ZFYVE16: variants seen among roughly 807,000 people sequenced by gnomAD.
The protein encoded by ZFYVE16 is zinc finger FYVE domain-containing protein 16.
ZFYVE16 carries 89 observed loss-of-function variants against 138.1 expected under a neutral mutation model. That is an observed-to-expected ratio of 0.64 (90% CI 0.54 to 0.77). ZFYVE16 has a LOEUF of 0.77. Among genes scored for constraint, ZFYVE16 ranks in the 30% least tolerant of loss-of-function variants. ZFYVE16 has a pLI of 0.00. For missense variants in ZFYVE16, 1,793 were observed against 1,786.7 expected (o/e 1.00, Z -0.06); for synonymous variants, 596 against 618.3 (o/e 0.96, Z 0.53).
rs980698949 is a variant in ZFYVE16 at position 80,480,708 on chromosome 5, G to A, written c.*3331G>A. The stretch of plus-strand genomic sequence containing the variant: ...GGAGGCCAAGGCAGGAGGATCACTC[G>A]AGCTCAGGTTGAGACCAGAGTGAGC... On this transcript the variant is annotated 3_prime_UTR_variant, in exon 19 of 19. Coordinates refer to ENST00000505560, the MANE Select transcript of ZFYVE16 (RefSeq NM_001284236.3). 5.3e-5 allele frequency among the ~76,000 whole-genome samples: 8 copies of A among 152,032 alleles called. No homozygotes were observed. The highest frequency in any genetic ancestry group is 1.0e-4 in the Non-Finnish European group (7 of 67,996).
chr5:80,450,100 TTAAA>T (rs1751820399), intron 9 of ZFYVE16, among the ~76,000 whole-genome samples: 1 of 152,150 alleles, frequency 6.6e-6, no homozygotes, highest in Non-Finnish European at 1.5e-5. Context: ...TGTGACCTAA[TTAAA>T]AAGGAAGTAA....
intron 2 of ZFYVE16, among the ~76,000 whole-genome samples, chr5:80,431,456 T>C (rs1311793450): frequency 6.6e-6 from 1 of 152,198 alleles, no homozygotes; most frequent in Non-Finnish European, 1.5e-5. Flanking sequence ...ATAAGAGCTA[T>C]TTATGACAAA....
At chr5:80,409,522 A>G (rs970581446) in intron 1 of ZFYVE16, among the ~76,000 whole-genome samples, 5 of 152,178 alleles carry the variant, frequency 3.3e-5, no homozygotes, top group African/African-American at 9.7e-5. Flanking sequence ...TCACAGACTC[A>G]TGTATTAAAT....
chr5:80,437,530 T>G lies in ZFYVE16; in HGVS notation c.845T>G (p.Val282Gly). The change falls in exon 4 of 19, where the codon GTA becomes GGA. Residue 282 changes from valine to glycine, a missense_variant. Val to Gly is a moderately radical substitution (Grantham distance 109). Around this residue, in one of 2 missense-constraint regions of ZFYVE16, gnomAD observed 1,295 missense variants for 1,204.3 expected, o/e 1.08. Coordinates refer to ENST00000505560, the MANE Select transcript of ZFYVE16 (RefSeq NM_001284236.3). ...LKDVGLVKEE[V>G]DVAVITAAEC... ...GATGTTGGCTTAGTAAAAGAGGAAG[T>G]AGATGTGGCAGTCATAACTGCCGCA... 6.2e-7 allele frequency: 1 copy of G among 1,613,894 alleles called. No homozygotes were observed. Among genetic ancestry groups the G allele is most frequent in the Non-Finnish European group, 8.5e-7 (1 of 1,179,960 alleles).
Position 80,479,326 on chromosome 5 carries a change from A to G in ZFYVE16, c.*1949A>G, listed in dbSNP as rs940113734. 1 of 152,202 alleles carries G rather than the reference A, an allele frequency of 6.6e-6. No homozygotes were observed. Among genetic ancestry groups the G allele is most frequent in the Non-Finnish European group, 1.5e-5 (1 of 68,024 alleles). The allele number at this position is 152,202 out of a possible 1,614,324, so 9.4% of individuals were successfully genotyped here. A position where few individuals can be genotyped will look rare whatever the true frequency, so the allele number is the denominator to read the frequency against. ...TCTTTCTCTGAATTTTGAAATATGA[A>G]GTAAAATCTAGCCCATTTGTTTTAT... is the stretch of plus-strand genomic sequence containing the variant. On this transcript the variant is annotated 3_prime_UTR_variant, in exon 19 of 19. Coordinates refer to ENST00000505560, the MANE Select transcript of ZFYVE16 (RefSeq NM_001284236.3).
intron 2 of ZFYVE16, among the ~76,000 whole-genome samples, chr5:80,431,557 T>C (rs1749027673): frequency 6.6e-6 from 1 of 152,180 alleles, no homozygotes; most frequent in South Asian, 2.1e-4. Context: ...TCACCACTCC[T>C]ATTCAACATA....
At chr5:80,470,101 A>T (rs202160407) in intron 15 of ZFYVE16, among the ~76,000 whole-genome samples, 62,907 of 108,188 alleles carry the variant, frequency 0.58, 19,266 homozygotes, top group East Asian at 0.8. Context: ...GTGTGTGTGT[A>T]TTTTTTTTTT....
intron 1 of ZFYVE16, among the ~76,000 whole-genome samples, chr5:80,414,928 A>G (rs1745990981): frequency 6.6e-6 from 1 of 152,166 alleles, no homozygotes; most frequent in South Asian, 2.1e-4. Flanking sequence ...GAAATTTCAC[A>G]ATGATGTTGG....
intron 1 of ZFYVE16, among the ~76,000 whole-genome samples, chr5:80,424,767 A>T (rs1561242866): frequency 2.0e-5 from 3 of 152,078 alleles, no homozygotes. Context: ...TGGCCTCTGA[A>T]TTCCTTTTGT....
At chr5:80,461,019 G>T (rs1753049307) in intron 15 of ZFYVE16, among the ~76,000 whole-genome samples, 2 of 151,986 alleles carry the variant, frequency 1.3e-5, no homozygotes. Context: ...AAAAGAAAAA[G>T]TATTTTTTTA....
chr5:80,454,509 CTT>C (rs1270643829), intron 11 of ZFYVE16: 32 of 141,774 alleles, frequency 2.3e-4, no homozygotes, highest in Non-Finnish European at 2.5e-4. Flanking sequence ...CTGTATATTC[CTT>C]TTTTTTTTTT....
chr5:80,450,814 A>ATTT (rs139742757), intron 10 of ZFYVE16, among the ~76,000 whole-genome samples: 2 of 90,476 alleles, frequency 2.2e-5, no homozygotes, highest in African/African-American at 7.5e-5. Flanking sequence ...CCTTATATCC[A>ATTT]TTTTTTTTTT....
intron 2 of ZFYVE16, among the ~76,000 whole-genome samples, chr5:80,433,142 G>A (rs140360289): frequency 0.021 from 3,192 of 152,258 alleles, 116 homozygotes; most frequent in African/African-American, 0.072. Context: ...GCACACATAT[G>A]TTTATTGCGG....
rs1685134166 is a variant in ZFYVE16 at position 80,448,187 on chromosome 5, T to C, written c.2886T>C (p.Ser962=). 3.1e-6 allele frequency: 5 copies of C among 1,614,000 alleles called. No homozygotes were observed. Among genetic ancestry groups the C allele is most frequent in the African/African-American group, 1.3e-5 (1 of 75,044 alleles). ...MNTGNEGLPT[S]GSFTLDDDVF... Reference sequence around the variant, plus strand: ...CAGGAAATGAGGGGTTACCTACTTCTGGTTCATTTACACTAGATGATGATG... The same window carrying C: ...CAGGAAATGAGGGGTTACCTACTTCCGGTTCATTTACACTAGATGATGATG... The change falls in exon 8 of 19, where the codon TCT becomes TCC. Residue 962 remains serine (S), a synonymous_variant. Transcript: ENST00000505560.
intron 11 of ZFYVE16, among the ~76,000 whole-genome samples, chr5:80,453,015 T>G (rs1038277979): frequency 1.3e-5 from 2 of 152,246 alleles, no homozygotes; most frequent in South Asian, 4.1e-4. Context: ...ATATCACGTC[T>G]AATGAACTTT....
At position 80,451,609 on chromosome 5, in the gene ZFYVE16, T is replaced by C; in HGVS notation, c.3507T>C (p.Ser1169=). The C allele has an allele frequency of 6.2e-7, 1 of 1,613,936 alleles. No individual in the cohort carries two copies. Among genetic ancestry groups the C allele is most frequent in the East Asian group, 2.2e-5 (1 of 44,800 alleles). ...FQKLDDLSLP[S]NPFLCGILIQ... is the part of the protein sequence containing the mutation. ...AACTTGATGATCTCTCATTACCAAG[T>C]AATCCTTTTCTTTGTGGAATTCTTA... is the stretch of plus-strand genomic sequence containing the variant. The change falls in exon 11 of 19, where the codon AGT becomes AGC. Residue 1169 remains serine (S), a synonymous_variant. Coordinates refer to ENST00000505560, the MANE Select transcript of ZFYVE16 (RefSeq NM_001284236.3).
chr5:80,477,369 CT>C lies in ZFYVE16; in HGVS notation c.4618del (p.Ter1540SerfsTer15), dbSNP rs747539668. The C allele has an allele frequency of 1.5e-5, 24 of 1,603,142 alleles. No homozygotes were observed. The highest frequency in any genetic ancestry group is 1.7e-5 in the Non-Finnish European group (20 of 1,176,918). ...IELVFFIIEHLF is the reference protein window; with the variant it reads ...IELVFFIIEHXF ...ATTAGTGTTTTTCATTATAGAACAT[CT>C]TTTTTAGTGAAAGAATGTGCCATAT... On this transcript the variant is annotated frameshift_variant, in exon 19 of 19. Coordinates refer to ENST00000505560, the MANE Select transcript of ZFYVE16 (RefSeq NM_001284236.3). LOFTEE classifies it high-confidence loss of function.
chr5:80,461,718 G>T (rs972306801), intron 15 of ZFYVE16, among the ~76,000 whole-genome samples: 4 of 152,102 alleles, frequency 2.6e-5, no homozygotes, highest in Admixed American at 2.6e-4. Flanking sequence ...GGTCACACCT[G>T]TAATCCCAGC....
At chr5:80,447,968 C>T (rs1751566984) in intron 7 of ZFYVE16, 58 bp from the exon 8 acceptor site, 1 of 1,403,916 alleles carries the variant, frequency 7.1e-7, no homozygotes, top group Non-Finnish European at 9.5e-7. Flanking sequence ...GATCTCATTT[C>T]ATAGTTGAAC....
Sources: gnomAD v4.1 joint callset for allele counts (sites outside exome capture counted in the v4.1 genomes callset) on GRCh38, gnomAD v4.1.1 for gene constraint, gnomAD v4.1.1 regional missense constraint, MANE v1.5 for transcripts, NCBI Gene and HGNC (gene_info 2026-07-23, HGNC 2026-07-21) for gene names.